The following PTPRT variants were observed in gnomAD, a reference collection of about 807,000 sequenced individuals.
PTPRT encodes the protein protein tyrosine phosphatase receptor type T.
Under a neutral mutation model 176.8 loss-of-function variants are expected in PTPRT, and 56 were observed. That is an observed-to-expected ratio of 0.32 (90% CI 0.26 to 0.40). The LOEUF (loss-of-function observed/expected upper bound fraction) is 0.40. PTPRT is among the 10% of genes least tolerant of loss of function. PTPRT has a pLI of 1.00. For synonymous variants in PTPRT, 783 were observed against 739.0 expected, an observed-to-expected ratio of 1.06 and a Z score of -0.96; for missense variants, 1,540 against 1,908.2, an observed-to-expected ratio of 0.81 and a Z score of 3.60.
chr20:42,304,124 G>C (rs73909264), intron 12 of PTPRT, among the ~76,000 whole-genome samples: 1 of 152,102 alleles, frequency 6.6e-6, no homozygotes, highest in Non-Finnish European at 1.5e-5. Context: ...TTGCCTCTCC[G>C]TAAGTACGAC....
chr20:43,173,094 G>A (rs1305953901), intron 1 of PTPRT, among the ~76,000 whole-genome samples: 5 of 151,886 alleles, frequency 3.3e-5, no homozygotes, highest in Non-Finnish European at 7.4e-5. Context: ...GGCTGGTCTC[G>A]AACTCCCGAC....
chr20:42,128,976 C>G (rs1433718830), intron 18 of PTPRT, 146 bp from the exon 19 acceptor site: 1 of 532,934 alleles, frequency 1.9e-6, no homozygotes, highest in Admixed American at 4.1e-5. Flanking sequence ...TCAGTTACTG[C>G]TCCCATTTAT....
chr20:43,131,688 C>T (rs1045908000), intron 1 of PTPRT, among the ~76,000 whole-genome samples: 2 of 152,074 alleles, frequency 1.3e-5, no homozygotes, highest in Non-Finnish European at 1.5e-5. Flanking sequence ...AATACTGATA[C>T]CAGCATTTGA....
chr20:42,553,327 A>G (rs143776609), intron 7 of PTPRT, among the ~76,000 whole-genome samples: 167 of 151,658 alleles, frequency 1.1e-3, no homozygotes, highest in Admixed American at 1.8e-3. Flanking sequence ...CCACATATGC[A>G]TTTACTTTCT....
intron 1 of PTPRT, among the ~76,000 whole-genome samples, chr20:43,143,041 G>A (rs1386943325): frequency 1.3e-5 from 2 of 152,132 alleles, no homozygotes; most frequent in Admixed American, 6.5e-5. Context: ...GGCAGCATGG[G>A]GCTGAGCTGG....
chr20:42,844,223 A>G (rs940397529), intron 2 of PTPRT, among the ~76,000 whole-genome samples: 1 of 152,230 alleles, frequency 6.6e-6, no homozygotes, highest in African/African-American at 2.4e-5. Flanking sequence ...TCACAGTAAT[A>G]ATAGGAAAGC....
intron 4 of PTPRT, 121 bp from the exon 5 acceptor site, chr20:42,771,671 C>A (rs948211067): frequency 1.2e-5 from 9 of 736,572 alleles, no homozygotes; most frequent in Admixed American, 6.4e-5. Flanking sequence ...TAAGAAGTAG[C>A]CCGGCTCAGT....
rs200741848 is a variant in PTPRT, at chr20:43,150,465, C to CT, written c.88+39180dup. 2.5e-3 allele frequency among the ~76,000 whole-genome samples: 382 copies of CT among 151,068 alleles called. 1 individual carries two copies. The highest frequency in any genetic ancestry group is 8.8e-3 in the African/African-American group (359 of 40,668). On this transcript the variant is annotated intron_variant, in intron 1 of 30. Transcript: ENST00000373187. The stretch of plus-strand genomic sequence containing the variant: ...GACTTCCACAGGGTCTTTTCTTTTT[C>CT]TTTTTTTTGGAGATTGAGTCTCGCT...
intron 1 of PTPRT, among the ~76,000 whole-genome samples, chr20:43,099,504 A>G (rs1398353155): frequency 6.6e-6 from 1 of 152,204 alleles, no homozygotes; most frequent in Non-Finnish European, 1.5e-5. Context: ...TGCAGGTGTC[A>G]GAAAGGTACA....
intron 1 of PTPRT, among the ~76,000 whole-genome samples, chr20:43,160,722 G>A (rs1263531172): frequency 6.6e-6 from 1 of 152,070 alleles, no homozygotes. Context: ...AAAACAAAGT[G>A]TATTTATTAT....
chr20:42,939,499 G>A (rs2145989399), intron 1 of PTPRT, among the ~76,000 whole-genome samples: 1 of 152,198 alleles, frequency 6.6e-6, no homozygotes, highest in South Asian at 2.1e-4. Flanking sequence ...GTTACTCTCT[G>A]TACCCACTGT....
intron 2 of PTPRT, among the ~76,000 whole-genome samples, chr20:42,812,979 GCTTT>G (rs1190754567): frequency 2.0e-5 from 3 of 151,920 alleles, no homozygotes; most frequent in African/African-American, 7.3e-5. Flanking sequence ...TTCTCCTTTA[GCTTT>G]CTTTATGTTC....
chr20:42,096,895 C>T (rs1164361567), intron 27 of PTPRT, among the ~76,000 whole-genome samples: 6 of 150,644 alleles, frequency 4.0e-5, no homozygotes, highest in Admixed American at 1.3e-4. Flanking sequence ...ATCTTTCTAA[C>T]AGGAACCCTG....
intron 2 of PTPRT, among the ~76,000 whole-genome samples, chr20:42,850,995 G>A (rs981061169): frequency 7.2e-5 from 11 of 152,176 alleles, no homozygotes; most frequent in African/African-American, 2.7e-4. Flanking sequence ...CTGGCTCGTT[G>A]CTAAGTCAAA....
chr20:42,913,653 C>T (rs1297420523), intron 1 of PTPRT, among the ~76,000 whole-genome samples: 1 of 152,140 alleles, frequency 6.6e-6, no homozygotes, highest in Non-Finnish European at 1.5e-5. Flanking sequence ...TTTATGGTAC[C>T]TTTTCAAGAT....
At chr20:43,178,916 G>A (rs894799136) in intron 1 of PTPRT, among the ~76,000 whole-genome samples, 1 of 152,200 alleles carries the variant, frequency 6.6e-6, no homozygotes, top group African/African-American at 2.4e-5. Flanking sequence ...GGGTCACCTT[G>A]TAGAAATGAC....
intron 1 of PTPRT, among the ~76,000 whole-genome samples, chr20:43,168,547 A>G (rs2014915932): frequency 6.6e-6 from 1 of 152,174 alleles, no homozygotes; most frequent in Non-Finnish European, 1.5e-5. Flanking sequence ...TGAATCTCTC[A>G]TGGAAAATAA....
chr20:42,077,295 AG>A lies in PTPRT; in HGVS notation c.*3583del, dbSNP rs1982872090. The stretch of plus-strand genomic sequence containing the variant: ...CTGGTTGGCCCAGATTCTTCACCCC[AG>A]AAAGGATGCAATGTTGGAGTGCAGC... On this transcript the variant is annotated 3_prime_UTR_variant, in exon 31 of 31. Coordinates refer to ENST00000373187, the MANE Select transcript of PTPRT (RefSeq NM_007050.6). The A allele has an allele frequency of 5.3e-6, 1 of 188,704 alleles. No homozygotes were observed. The highest frequency in any genetic ancestry group is 1.1e-5 in the Non-Finnish European group (1 of 89,728). 11.7% of individuals were successfully genotyped at this position (188,704 alleles called of 1,614,324 possible).
intron 8 of PTPRT, among the ~76,000 whole-genome samples, chr20:42,457,176 C>A (rs1477695703): frequency 6.6e-6 from 1 of 152,034 alleles, no homozygotes; most frequent in East Asian, 1.9e-4. Flanking sequence ...ATACTGTGAC[C>A]TTGCTTTTCC....
Sources: gnomAD v4.1 joint callset for allele counts (sites outside exome capture counted in the v4.1 genomes callset) on GRCh38, gnomAD v4.1.1 for gene constraint, MANE v1.5 for transcripts, NCBI Gene and HGNC (gene_info 2026-07-23, HGNC 2026-07-21) for gene names.